MRPS31: variants seen among roughly 807,000 people sequenced by gnomAD.
MRPS31 encodes the protein mitochondrial ribosomal protein S31, also known as small ribosomal subunit protein mS31.
MRPS31 carries 32 observed loss-of-function variants against 43.1 expected under a neutral mutation model. That is an observed-to-expected ratio of 0.74 (90% CI 0.56 to 1.00). The LOEUF (loss-of-function observed/expected upper bound fraction) is 1.00, where lower values mean the gene tolerates loss of function less well. MRPS31 is among the 50% of genes least tolerant of loss of function. MRPS31 has a pLI of 0.00. For missense variants in MRPS31, 437 were observed against 466.7 expected, an observed-to-expected ratio of 0.94 and a Z score of 0.59; for synonymous variants, 165 against 161.6, an observed-to-expected ratio of 1.02 and a Z score of -0.16.
intron 5 of MRPS31, 151 bp from the exon 6 acceptor site, chr13:40,749,432 C>A: frequency 2.1e-6 from 1 of 471,336 alleles, no homozygotes; most frequent in Non-Finnish European, 3.4e-6. Flanking sequence ...GAGATAACTG[C>A]AAAAATTATA....
rs1413042691 is a variant in MRPS31, at chr13:40,732,623, C to T, written c.959-3022G>A. 2.0e-5 allele frequency among the ~76,000 whole-genome samples: 3 copies of T among 152,048 alleles called. No homozygotes were observed. In the East Asian group the frequency reaches 5.8e-4, roughly 29 times the overall value. ...GTGGTGTGCACCTGTAGTCCTAGTA[C>T]CTGGAACGCTGGGGGCAGAAGGATC... On this transcript the variant is annotated intron_variant, in intron 6 of 6. Transcript: ENST00000323563.
At position 40,744,248 on chromosome 13, in the gene MRPS31, T is replaced by TA. The variant is rs549737435; in HGVS notation, c.958+4889dup. On this transcript the variant is annotated intron_variant, in intron 6 of 6. Transcript: ENST00000323563. ...GAAGATTGGGAAACCACCTATCAGG[T>TA]ATTACGCTGATTACCTGGGTGACAA... Among the ~76,000 whole-genome samples the TA allele has an allele frequency of 2.6e-4, 39 of 152,276 alleles. 2 individuals carry two copies. The South Asian group carries it at 8.1e-3, about 32-fold the overall frequency.
intron 6 of MRPS31, among the ~76,000 whole-genome samples, chr13:40,732,023 T>C (rs1366041755): frequency 1.3e-5 from 2 of 152,102 alleles, no homozygotes; most frequent in African/African-American, 2.4e-5. Context: ...CAAAAATAAG[T>C]TCTAGATAAA....
rs1427906273 is a variant in MRPS31, at chr13:40,754,090, TTCC to T, written c.741-1_742del. On this transcript the variant is annotated splice_acceptor_variant and coding_sequence_variant, in exon 5 of 7. Transcript: ENST00000323563. LOFTEE classifies it high-confidence loss of function. ...AAGTCTTTTCCCTGTGAATATATTT[TTCC>T]TAAGTCCAAAAAAAGAAAATAACAT... 6.5e-7 allele frequency: 1 copy of T among 1,548,742 alleles called. No homozygotes were observed. Among genetic ancestry groups the T allele is most frequent in the Non-Finnish European group, 8.8e-7 (1 of 1,133,802 alleles).
At chr13:40,747,807 C>T (rs1041348051) in intron 6 of MRPS31, among the ~76,000 whole-genome samples, 1 of 152,140 alleles carries the variant, frequency 6.6e-6, no homozygotes, top group Non-Finnish European at 1.5e-5. Context: ...AGCACCACTG[C>T]ACTCCAGCCT....
At chr13:40,768,399 ACCCCGCTAAATCC>A (rs544797168) in intron 1 of MRPS31, among the ~76,000 whole-genome samples, 63 of 138,574 alleles carry the variant, frequency 4.5e-4, no homozygotes, top group Admixed American at 6.9e-4. Flanking sequence ...AACAGGCATC[ACCCCGCTAAATCC>A]CCTGGAAGTC....
At chr13:40,755,915 T>C (rs1405420838) in intron 4 of MRPS31, among the ~76,000 whole-genome samples, 1 of 152,220 alleles carries the variant, frequency 6.6e-6, no homozygotes, top group Non-Finnish European at 1.5e-5. Flanking sequence ...TTAAATATTC[T>C]TAAGTAAAAC....
intron 6 of MRPS31, among the ~76,000 whole-genome samples, chr13:40,734,541 T>C (rs1186600247): frequency 2.6e-5 from 4 of 152,004 alleles, no homozygotes; most frequent in Non-Finnish European, 5.9e-5. Flanking sequence ...GGAAGAAAAA[T>C]AAAGCAATTG....
At chr13:40,740,956 A>C (rs1215406014) in intron 6 of MRPS31, among the ~76,000 whole-genome samples, 6 of 151,502 alleles carry the variant, frequency 4.0e-5, no homozygotes, top group Non-Finnish European at 5.9e-5. Flanking sequence ...TTAAAAAAAA[A>C]AACAACAAAG....
Position 40,758,946 on chromosome 13 carries a change from A to C in MRPS31, c.599+2T>G, listed in dbSNP as rs2138012960. On this transcript the variant is annotated splice_donor_variant, in intron 3 of 6. Coordinates refer to ENST00000323563, the MANE Select transcript of MRPS31 (RefSeq NM_005830.4). LOFTEE classifies it high-confidence loss of function. ...ACTGACTTAAGGGTTTGATTCACTC[A>C]CCTAATTTTAGGTCGCTTTGCATCT... The C allele has an allele frequency of 6.4e-7, 1 of 1,567,866 alleles. No homozygotes were observed.
intron 2 of MRPS31, among the ~76,000 whole-genome samples, chr13:40,764,660 A>AT (rs1880792610): frequency 1.3e-5 from 2 of 152,196 alleles, no homozygotes; most frequent in African/African-American, 2.4e-5. Flanking sequence ...CCATGCAGGG[A>AT]TAAAGCCCAG....
intron 6 of MRPS31, among the ~76,000 whole-genome samples, chr13:40,730,500 GAAC>G (rs879341603): frequency 7.9e-5 from 12 of 152,162 alleles, no homozygotes; most frequent in Non-Finnish European, 1.6e-4. Flanking sequence ...ACTCCAGCCT[GAAC>G]AACAGAGTGA....
At chr13:40,770,286 T>C (rs564935087) in intron 1 of MRPS31, among the ~76,000 whole-genome samples, 31 of 152,330 alleles carry the variant, frequency 2.0e-4, no homozygotes, top group African/African-American at 7.2e-4. Context: ...GTGTTACGCA[T>C]GGAATTTATG....
chr13:40,743,060 A>G (rs2138000693), intron 6 of MRPS31, among the ~76,000 whole-genome samples: 1 of 152,260 alleles, frequency 6.6e-6, no homozygotes, highest in East Asian at 1.9e-4. Flanking sequence ...CCCTGTAATC[A>G]CAGCACTTTG....
chr13:40,738,708 T>C (rs1879996022), intron 6 of MRPS31, among the ~76,000 whole-genome samples: 1 of 151,944 alleles, frequency 6.6e-6, no homozygotes, highest in Non-Finnish European at 1.5e-5. Context: ...TCTCAATAGA[T>C]GCAGAAAAGG....
In MRPS31 at chr13:40,756,924, T is replaced by C. The variant is rs1880544248; in HGVS notation, c.689A>G (p.Glu230Gly). The change falls in exon 4 of 7, where the codon GAA (glutamate) becomes GGA (glycine). Residue 230 changes from glutamate to glycine, a missense_variant. By Grantham distance (98) the Glu-to-Gly change is moderately conservative. Coordinates refer to ENST00000323563, the MANE Select transcript of MRPS31 (RefSeq NM_005830.4). The part of the protein sequence containing the change: ...SRPELRIQFD[E>G]GYDNYPGQEK... ...CTGGCCAGGATAATTGTCATAGCCT[T>C]CATCAAACTGAATCCGAAGCTCTGG... 1 of 1,614,002 alleles carries C rather than the reference T, an allele frequency of 6.2e-7. No homozygotes were observed. The highest frequency in any genetic ancestry group is 8.5e-7 in the Non-Finnish European group (1 of 1,179,940).
At chr13:40,762,782 TTGTGTGTG>T (rs60906711) in intron 2 of MRPS31, among the ~76,000 whole-genome samples, 18,186 of 129,556 alleles carry the variant, frequency 0.14, 1,458 homozygotes, top group Middle Eastern at 0.16. Flanking sequence ...AGTATAGACA[TTGTGTGTG>T]TGTGTGTGTG....
chr13:40,735,082 T>C (rs1431950747), intron 6 of MRPS31, among the ~76,000 whole-genome samples: 2 of 152,164 alleles, frequency 1.3e-5, no homozygotes, highest in Non-Finnish European at 2.9e-5. Flanking sequence ...GCGCGCACCT[T>C]GCGCGAGCCG....
At chr13:40,741,696 T>C (rs1366254416) in intron 6 of MRPS31, among the ~76,000 whole-genome samples, 1 of 152,128 alleles carries the variant, frequency 6.6e-6, no homozygotes, top group Non-Finnish European at 1.5e-5. Flanking sequence ...CTATTCTGAA[T>C]TGTACTCAAA....
Sources: allele counts gnomAD v4.1 joint callset (sites outside exome capture counted in the v4.1 genomes callset), GRCh38; gene constraint gnomAD v4.1.1; transcripts MANE v1.5; gene names NCBI Gene and HGNC (gene_info 2026-07-23, HGNC 2026-07-21).